DOK6: variants seen among roughly 807,000 people sequenced by gnomAD.
DOK6 encodes the protein docking protein 6.
A neutral mutation model predicts 44.0 loss-of-function variants in DOK6; 22 were observed. The ratio of observed to expected loss-of-function variants is 0.50; its 90% CI spans 0.36 to 0.71. DOK6 has a LOEUF of 0.71. DOK6 is among the 30% of genes least tolerant of loss of function. The pLI is 0.00. For missense variants in DOK6, 340 were observed against 416.4 expected (o/e 0.82, Z 1.60); for synonymous variants, 166 against 145.5 (o/e 1.14, Z -1.01).
intron 1 of DOK6, among the ~76,000 whole-genome samples, chr18:69,515,831 G>A (rs1006913930): frequency 2.2e-4 from 33 of 152,258 alleles, no homozygotes; most frequent in African/African-American, 7.7e-4. Flanking sequence ...CACAGTGTAT[G>A]ATCAAATAAG....
chr18:69,709,075 A>G (rs900318946), intron 5 of DOK6, among the ~76,000 whole-genome samples: 13 of 152,174 alleles, frequency 8.5e-5, no homozygotes, highest in Non-Finnish European at 1.6e-4. Flanking sequence ...AGCGATGCCA[A>G]TATCACTGCT....
At chr18:69,425,444 C>T (rs903093101) in intron 1 of DOK6, among the ~76,000 whole-genome samples, 6 of 151,764 alleles carry the variant, frequency 4.0e-5, no homozygotes, top group African/African-American at 1.5e-4. Context: ...CTTAATATAC[C>T]CTTTTTCCCT....
intron 7 of DOK6, among the ~76,000 whole-genome samples, chr18:69,782,458 G>A (rs7239809): frequency 0.059 from 9,002 of 151,960 alleles, 285 homozygotes; most frequent in African/African-American, 0.088. Flanking sequence ...TGATCCCCCC[G>A]CCTCGGCCTC....
At chr18:69,799,525 G>A (rs1980842598) in intron 7 of DOK6, among the ~76,000 whole-genome samples, 1 of 151,968 alleles carries the variant, frequency 6.6e-6, no homozygotes. Flanking sequence ...AAAAAGAAAG[G>A]TGCATGTAGT....
intron 1 of DOK6, among the ~76,000 whole-genome samples, chr18:69,482,810 A>G (rs1980467024): frequency 6.6e-6 from 1 of 152,014 alleles, no homozygotes. Flanking sequence ...TATAAGAAAT[A>G]TGAGTTCTGT....
At position 69,825,427 on chromosome 18, in the gene DOK6, C is replaced by CTTTTTTTTTT. The variant is rs34656265; in HGVS notation, c.857-15800_857-15791dup. 2.4e-5 allele frequency among the ~76,000 whole-genome samples: 2 copies of CTTTTTTTTTT among 82,958 alleles called. 1 individual carries two copies. The highest frequency in any genetic ancestry group is 9.9e-5 in the African/African-American group (2 of 20,132). 54.4% of individuals were successfully genotyped at this position (82,958 alleles called of 152,430 possible). A position where few individuals can be genotyped will look rare whatever the true frequency, so the allele number is the denominator to read the frequency against. ...GCAAACGGTTTATCAATCATAACTT[C>CTTTTTTTTTT]TTTTTTTTTTTTTTTTTTTTTTTTT... On this transcript the variant is annotated intron_variant, in intron 7 of 7. Transcript: ENST00000382713.
intron 7 of DOK6, among the ~76,000 whole-genome samples, chr18:69,760,391 G>A (rs1000408301): frequency 1.3e-5 from 2 of 152,052 alleles, no homozygotes; most frequent in Admixed American, 6.6e-5. Flanking sequence ...AGCACTTTGA[G>A]AGTTTGATTT....
chr18:69,790,390 C>T (rs889514872), intron 7 of DOK6, among the ~76,000 whole-genome samples: 1 of 152,024 alleles, frequency 6.6e-6, no homozygotes, highest in African/African-American at 2.4e-5. Flanking sequence ...TTGTAACAGA[C>T]CTGCAGGTTC....
At chr18:69,735,761 T>C (rs1263758149) in intron 5 of DOK6, among the ~76,000 whole-genome samples, 1 of 152,178 alleles carries the variant, frequency 6.6e-6, no homozygotes, top group Non-Finnish European at 1.5e-5. Flanking sequence ...GGGTATAGCA[T>C]GGCCCAAGGT....
intron 2 of DOK6, among the ~76,000 whole-genome samples, chr18:69,584,073 A>C (rs187056765): frequency 0.015 from 2,200 of 144,336 alleles, 20 homozygotes; most frequent in Non-Finnish European, 0.024. Flanking sequence ...GCGCCACTGC[A>C]CTCCAGCCTG....
intron 1 of DOK6, among the ~76,000 whole-genome samples, chr18:69,404,318 G>C (rs936882588): frequency 6.6e-6 from 1 of 152,164 alleles, no homozygotes; most frequent in Non-Finnish European, 1.5e-5. Flanking sequence ...GGGGAAGCTA[G>C]CAACCTGTTG....
At chr18:69,807,222 C>T (rs940196217) in intron 7 of DOK6, among the ~76,000 whole-genome samples, 3 of 151,664 alleles carry the variant, frequency 2.0e-5, no homozygotes, top group African/African-American at 7.3e-5. Flanking sequence ...CTTAAAATAA[C>T]CTGTTATAAC....
intron 3 of DOK6, among the ~76,000 whole-genome samples, chr18:69,603,770 CAAAAAAAAAAAAAAA>C (rs55654660): frequency 6.7e-5 from 5 of 74,346 alleles, no homozygotes; most frequent in Non-Finnish European, 9.6e-5. Flanking sequence ...GACTCCGTCT[CAAAAAAAAAAAAAAA>C]AAAAAAAAAA....
At chr18:69,748,402 C>G (rs576249203) in intron 6 of DOK6, among the ~76,000 whole-genome samples, 1 of 151,564 alleles carries the variant, frequency 6.6e-6, no homozygotes, top group South Asian at 2.1e-4. Context: ...ATAAACCCAC[C>G]CCCAAAACAA....
chr18:69,814,981 G>A (rs979707737), intron 7 of DOK6, among the ~76,000 whole-genome samples: 1 of 152,124 alleles, frequency 6.6e-6, no homozygotes, highest in Non-Finnish European at 1.5e-5. Context: ...CCTCTTCTCT[G>A]ATATTTTTTT....
chr18:69,804,648 A>G (rs1309563661), intron 7 of DOK6, among the ~76,000 whole-genome samples: 1 of 152,212 alleles, frequency 6.6e-6, no homozygotes, highest in Non-Finnish European at 1.5e-5. Flanking sequence ...ACATTAACAC[A>G]TTTAGGACAA....
intron 1 of DOK6, among the ~76,000 whole-genome samples, chr18:69,452,666 A>G (rs1979505085): frequency 2.0e-5 from 3 of 147,614 alleles, no homozygotes; most frequent in African/African-American, 7.6e-5. Flanking sequence ...TCCTCAATAA[A>G]ATACTGGCAA....
chr18:69,561,927 C>A (rs1982842948), intron 1 of DOK6, among the ~76,000 whole-genome samples: 1 of 151,996 alleles, frequency 6.6e-6, no homozygotes, highest in African/African-American at 2.4e-5. Flanking sequence ...TGTAAAAAAA[C>A]AATATGACAA....
chr18:69,496,398 A>G (rs899820699), intron 1 of DOK6, among the ~76,000 whole-genome samples: 3 of 152,212 alleles, frequency 2.0e-5, no homozygotes, highest in Non-Finnish European at 4.4e-5. Context: ...CACCAGGTCT[A>G]TGGAGGGTGC....
Sources: allele counts gnomAD v4.1 joint callset (sites outside exome capture counted in the v4.1 genomes callset), GRCh38; gene constraint gnomAD v4.1.1; transcripts MANE v1.5; gene names NCBI Gene and HGNC (gene_info 2026-07-23, HGNC 2026-07-21).